Variants in SLC24A3 observed in about 807,000 individuals in gnomAD.
SLC24A3 encodes the protein sodium/potassium/calcium exchanger 3.
In SLC24A3, 28 loss-of-function variants were observed where a neutral mutation model predicts 75.8. The ratio of observed to expected loss-of-function variants is 0.37; its 90% CI spans 0.27 to 0.51. The LOEUF is 0.51. SLC24A3 is among the 20% of genes least tolerant of loss of function. SLC24A3 has a pLI of 0.94. For missense variants in SLC24A3, 663 were observed against 847.8 expected (o/e 0.78, Z 2.71); for synonymous variants, 372 against 334.1 (o/e 1.11, Z -1.24).
intron 1 of SLC24A3, among the ~76,000 whole-genome samples, chr20:19,276,869 G>C (rs1983503763): frequency 6.6e-6 from 1 of 151,860 alleles, no homozygotes; most frequent in Non-Finnish European, 1.5e-5. Context: ...ACTCCTGCCT[G>C]GGCAACAGAG....
rs6081638 is a variant in SLC24A3, at chr20:19,546,387, A to G, written c.348+30823A>G. On this transcript the variant is annotated intron_variant, in intron 3 of 16. Transcript: ENST00000328041. ...CTAGGCCACATTCCTGTGACACCGA[A>G]ATCCTTTCCTTCCTTCTCCCATCTT... is the stretch of plus-strand genomic sequence containing the variant. 6.8e-3 allele frequency among the ~76,000 whole-genome samples: 1,040 copies of G among 152,142 alleles called. 8 individuals are homozygous for G. The highest frequency in any genetic ancestry group is 0.011 in the Non-Finnish European group (757 of 68,008).
chr20:19,409,537 A>G (rs186909517), intron 2 of SLC24A3, among the ~76,000 whole-genome samples: 1 of 152,294 alleles, frequency 6.6e-6, no homozygotes, highest in East Asian at 1.9e-4. Flanking sequence ...CTGCAGCACA[A>G]TTATGCTCAA....
intron 7 of SLC24A3, among the ~76,000 whole-genome samples, chr20:19,660,513 C>G (rs1450828809): frequency 1.3e-5 from 2 of 152,052 alleles, no homozygotes; most frequent in Admixed American, 6.6e-5. Flanking sequence ...GTATATAAAC[C>G]ATATTTTCCT....
chr20:19,501,655 A>G (rs1189484457), intron 2 of SLC24A3, among the ~76,000 whole-genome samples: 2 of 152,222 alleles, frequency 1.3e-5, no homozygotes, highest in East Asian at 3.9e-4. Flanking sequence ...ATCACCTGTC[A>G]GAGACATTAG....
intron 2 of SLC24A3, among the ~76,000 whole-genome samples, chr20:19,310,207 G>A (rs1984426222): frequency 6.6e-6 from 1 of 152,116 alleles, no homozygotes; most frequent in Non-Finnish European, 1.5e-5. Flanking sequence ...ACATGTTTCT[G>A]CCACATTCTA....
intron 2 of SLC24A3, among the ~76,000 whole-genome samples, chr20:19,430,899 C>G (rs1036361143): frequency 6.6e-6 from 1 of 152,160 alleles, no homozygotes; most frequent in Non-Finnish European, 1.5e-5. Flanking sequence ...CTACTCCATC[C>G]TGCCTGTTTT....
intron 2 of SLC24A3, among the ~76,000 whole-genome samples, chr20:19,446,258 A>G (rs1987382468): frequency 6.6e-6 from 1 of 152,242 alleles, no homozygotes; most frequent in South Asian, 2.1e-4. Context: ...ATGGAAAAGC[A>G]CGAGAGGTTG....
At chr20:19,541,075 C>T (rs762540308) in intron 3 of SLC24A3, among the ~76,000 whole-genome samples, 2 of 152,214 alleles carry the variant, frequency 1.3e-5, no homozygotes, top group Non-Finnish European at 2.9e-5. Context: ...ACACACAGCT[C>T]ATGTGTTCTT....
chr20:19,444,916 A>G (rs1228681737), intron 2 of SLC24A3, among the ~76,000 whole-genome samples: 1 of 151,646 alleles, frequency 6.6e-6, no homozygotes, highest in South Asian at 2.1e-4. Flanking sequence ...TTCCTAAAGT[A>G]GATGCTTAGG....
intron 2 of SLC24A3, among the ~76,000 whole-genome samples, chr20:19,438,623 C>G (rs183319424): frequency 6.6e-6 from 1 of 152,066 alleles, no homozygotes; most frequent in Admixed American, 6.5e-5. Flanking sequence ...GCCTCCCCAC[C>G]TGGCATTCCC....
intron 2 of SLC24A3, among the ~76,000 whole-genome samples, chr20:19,406,223 T>A (rs1476583105): frequency 0.017 from 2,590 of 149,944 alleles, 75 homozygotes; most frequent in African/African-American, 0.062. Flanking sequence ...CGTGTGTGTG[T>A]GTGTGAGAGA....
intron 6 of SLC24A3, among the ~76,000 whole-genome samples, chr20:19,627,168 C>T (rs1334863850): frequency 6.6e-6 from 1 of 152,164 alleles, no homozygotes; most frequent in African/African-American, 2.4e-5. Flanking sequence ...GTGAAAGTAT[C>T]CATTTGGGAC....
intron 12 of SLC24A3, among the ~76,000 whole-genome samples, chr20:19,690,030 CAAAAAAAAAAAAA>C (rs538406361): frequency 1.1e-5 from 1 of 87,828 alleles, no homozygotes; most frequent in African/African-American, 4.6e-5. Flanking sequence ...GACTCTGTCT[CAAAAAAAAAAAAA>C]AAAAAAAAGG....
At chr20:19,342,153 C>T (rs1160923216) in intron 2 of SLC24A3, among the ~76,000 whole-genome samples, 1 of 152,150 alleles carries the variant, frequency 6.6e-6, no homozygotes, top group Non-Finnish European at 1.5e-5. Context: ...GGATCTGGTT[C>T]CCTTTTGCCA....
intron 3 of SLC24A3, among the ~76,000 whole-genome samples, chr20:19,568,811 A>C (rs2031002907): frequency 6.6e-6 from 1 of 152,230 alleles, no homozygotes; most frequent in South Asian, 2.1e-4. Flanking sequence ...ACTAATAGAT[A>C]TGTGGGAATA....
intron 1 of SLC24A3, among the ~76,000 whole-genome samples, chr20:19,236,662 G>C (rs1056572548): frequency 1.3e-5 from 2 of 152,152 alleles, no homozygotes; most frequent in African/African-American, 4.8e-5. Context: ...AGGCTGAGGA[G>C]GCAGCATCAT....
At chr20:19,270,905 G>C (rs1260869096) in intron 1 of SLC24A3, among the ~76,000 whole-genome samples, 3 of 152,176 alleles carry the variant, frequency 2.0e-5, no homozygotes, top group East Asian at 1.9e-4. Flanking sequence ...AGCTACTACA[G>C]ATTGTGAAAC....
intron 2 of SLC24A3, among the ~76,000 whole-genome samples, chr20:19,361,553 G>C (rs186303434): frequency 1.3e-5 from 2 of 152,334 alleles, no homozygotes; most frequent in East Asian, 3.9e-4. Flanking sequence ...TTTTGATAGA[G>C]CTTTGGGTTA....
chr20:19,571,260 T>C (rs571567319), intron 3 of SLC24A3, among the ~76,000 whole-genome samples: 11 of 152,246 alleles, frequency 7.2e-5, no homozygotes, highest in African/African-American at 2.6e-4. Flanking sequence ...TATAGCCCTG[T>C]AGGGAGCACA....
Sources: gnomAD v4.1 joint callset for allele counts (sites outside exome capture counted in the v4.1 genomes callset) on GRCh38, gnomAD v4.1.1 for gene constraint, MANE v1.5 for transcripts, NCBI Gene and HGNC (gene_info 2026-07-23, HGNC 2026-07-21) for gene names.